The following RAB33A variants were observed in gnomAD, a reference collection of about 807,000 sequenced individuals.
RAB33A encodes RAB33A, member RAS oncogene family.
A neutral mutation model predicts 12.0 loss-of-function variants in RAB33A; 6 were observed. The ratio of observed to expected loss-of-function variants is 0.50; its 90% CI spans 0.27 to 0.99. The LOEUF (loss-of-function observed/expected upper bound fraction) is 0.99. RAB33A is among the 50% of genes least tolerant of loss of function. The pLI, the probability that RAB33A is intolerant of heterozygous loss-of-function variation, is 0.11. For synonymous variants in RAB33A, 70 were observed against 82.4 expected (o/e 0.85, Z 0.81); for missense variants, 109 against 192.0 (o/e 0.57, Z 2.55).
At chrX:130,145,708 A>C in the RAB33A span, 1 of 509,934 alleles carries the variant, frequency 2.0e-6, no homozygotes, top group Non-Finnish European at 3.4e-6. Flanking sequence ...CTATTAAATC[A>C]TGGTCATGAC....
At chrX:130,114,667 C>T in the RAB33A span, among the ~76,000 whole-genome samples, 4 of 112,227 alleles carry the variant, frequency 3.6e-5, no homozygotes, top group African/African-American at 9.7e-5. Context: ...TGGGTGGTCT[C>T]GGGTCTCAAA....
At chrX:130,118,114 C>T in the RAB33A span, among the ~76,000 whole-genome samples, 2 of 112,064 alleles carry the variant, frequency 1.8e-5, no homozygotes, top group Non-Finnish European at 3.8e-5. Flanking sequence ...CGGGGCTCTA[C>T]GTATTATATA....
the RAB33A span, among the ~76,000 whole-genome samples, chrX:130,142,360 G>A: frequency 7.2e-5 from 8 of 110,866 alleles, no homozygotes; most frequent in South Asian, 7.9e-4. Context: ...ATCCAATCCC[G>A]CTACTCAACC....
At chrX:130,147,640 C>G in the RAB33A span, 4 of 1,211,934 alleles carry the variant, frequency 3.3e-6, no homozygotes, top group Non-Finnish European at 4.5e-6. Flanking sequence ...ACATAAAAAT[C>G]ATGACGCTTA....
the RAB33A span, among the ~76,000 whole-genome samples, chrX:130,160,812 G>A: frequency 9.1e-6 from 1 of 110,112 alleles, no homozygotes; most frequent in South Asian, 3.8e-4. Context: ...GGAGGCCGAG[G>A]TTGGTGGATC....
the RAB33A span, among the ~76,000 whole-genome samples, chrX:130,111,788 C>T: frequency 1.5e-3 from 165 of 112,316 alleles, no homozygotes; most frequent in Non-Finnish European, 1.0e-3. Context: ...CACTCAGGCA[C>T]GCTCCCCTTC....
the RAB33A span, among the ~76,000 whole-genome samples, chrX:130,111,927 G>A: frequency 9.0e-6 from 1 of 111,396 alleles, no homozygotes; most frequent in African/African-American, 3.3e-5. Context: ...TGGCCTTTTT[G>A]GGGGTGGGGG....
At chrX:130,112,039 G>T in the RAB33A span, among the ~76,000 whole-genome samples, 1 of 111,829 alleles carries the variant, frequency 8.9e-6, no homozygotes, top group South Asian at 3.7e-4. Context: ...TCAGCCTCCA[G>T]CATCGGCCTG....
intron 1 of RAB33A, among the ~76,000 whole-genome samples, chrX:130,182,179 T>C (rs56012554): frequency 0.15 from 10,786 of 72,344 alleles, 2,445 homozygotes; most frequent in African/African-American, 0.54. Context: ...TATATATATA[T>C]ATACACATAT....
chrX:130,166,850 GT>G, the RAB33A span, among the ~76,000 whole-genome samples: 1 of 111,866 alleles, frequency 8.9e-6, no homozygotes, highest in African/African-American at 3.3e-5. Context: ...TCAACTTACG[GT>G]TTTTTGACTT....
chrX:130,138,838 G>A, the RAB33A span: 1 of 485,915 alleles, frequency 2.1e-6, no homozygotes, highest in East Asian at 3.7e-5. Context: ...TAACTTCTAT[G>A]TTATTAATGC....
chrX:130,136,244 CG>C, the RAB33A span: 1 of 1,156,669 alleles, frequency 8.6e-7, no homozygotes. Context: ...TGCCTACAGG[CG>C]TAACAATGGC....
chrX:130,161,607 G>GC, the RAB33A span, among the ~76,000 whole-genome samples: 6 of 106,080 alleles, frequency 5.7e-5, no homozygotes, highest in African/African-American at 2.1e-4. Context: ...CTATTTATCA[G>GC]CCTTTTTTTT....
chrX:130,149,142 G>A, the RAB33A span, among the ~76,000 whole-genome samples: 48 of 109,949 alleles, frequency 4.4e-4, no homozygotes, highest in Admixed American at 5.8e-4. Flanking sequence ...GGCTGGTCTT[G>A]AGCTCCTGAC....
intron 1 of RAB33A, among the ~76,000 whole-genome samples, chrX:130,184,031 A>T (rs1433732494): frequency 8.9e-6 from 1 of 111,862 alleles, no homozygotes; most frequent in Non-Finnish European, 1.9e-5. Context: ...CTGGGATTAC[A>T]GGCATGCACC....
At chrX:130,136,697 T>C in the RAB33A span, 1 of 1,210,850 alleles carries the variant, frequency 8.3e-7, no homozygotes, top group Non-Finnish European at 1.1e-6. Context: ...CTCCAACGGA[T>C]TGCACAATAG....
chrX:130,149,256 A>T, the RAB33A span, among the ~76,000 whole-genome samples: 3 of 111,555 alleles, frequency 2.7e-5, no homozygotes, highest in East Asian at 8.4e-4. Context: ...TAAACAACCA[A>T]TCATAATTAT....
At chrX:130,160,883 AAAATAAATAAATAAAT>A in the RAB33A span, among the ~76,000 whole-genome samples, 25 of 107,070 alleles carry the variant, frequency 2.3e-4, no homozygotes, top group African/African-American at 7.9e-4. Context: ...TCTCTACTTA[AAAATAAATAAATAAAT>A]AAATAAATAA....
intron 1 of RAB33A, among the ~76,000 whole-genome samples, chrX:130,178,712 C>T (rs867006619): frequency 5.5e-5 from 6 of 109,658 alleles, no homozygotes; most frequent in African/African-American, 1.3e-4. Flanking sequence ...AGTGCAGTGG[C>T]GCCATCTCGA....
Sources: gnomAD v4.1 joint callset for allele counts (sites outside exome capture counted in the v4.1 genomes callset) on GRCh38, gnomAD v4.1.1 for gene constraint, MANE v1.5 for transcripts, NCBI Gene and HGNC (gene_info 2026-07-23, HGNC 2026-07-21) for gene names.